The following STXBP5 variants were observed in gnomAD, a reference collection of about 807,000 sequenced individuals.
The protein encoded by STXBP5 is syntaxin-binding protein 5.
Under a neutral mutation model 152.4 loss-of-function variants are expected in STXBP5, and 50 were observed. That is an observed-to-expected ratio of 0.33 (90% CI 0.26 to 0.42). STXBP5 has a LOEUF of 0.42. Ranked by LOEUF, STXBP5 falls within the 10% of genes least tolerant of loss-of-function variation. The pLI, the probability that STXBP5 is intolerant of heterozygous loss-of-function variation, is 1.00. For synonymous variants in STXBP5, 492 were observed against 494.7 expected, an observed-to-expected ratio of 0.99 and a Z score of 0.07; for missense variants, 1,167 against 1,388.6, an observed-to-expected ratio of 0.84 and a Z score of 2.54.
intron 1 of STXBP5, 116 bp from the exon 2 acceptor site, chr6:147,205,855 G>A: frequency 1.4e-6 from 1 of 698,230 alleles, no homozygotes; most frequent in Non-Finnish European, 2.6e-6. Context: ...GTAAGTGCAT[G>A]TGTATGTGTT....
chr6:147,320,819 TA>T (rs2063737040), intron 16 of STXBP5, among the ~76,000 whole-genome samples: 1 of 152,160 alleles, frequency 6.6e-6, no homozygotes, highest in Admixed American at 6.5e-5. Context: ...TTGATACAGT[TA>T]TGGTTATTTT....
intron 26 of STXBP5, among the ~76,000 whole-genome samples, chr6:147,379,055 CAACCTTGCA>C (rs376143653): frequency 7.1e-4 from 108 of 151,712 alleles, no homozygotes; most frequent in African/African-American, 2.5e-3. Flanking sequence ...TCAAGGCCAA[CAACCTTGCA>C]TATCTCTATT....
intron 2 of STXBP5, among the ~76,000 whole-genome samples, chr6:147,209,429 A>G (rs7761345): frequency 0.021 from 3,141 of 152,218 alleles, 109 homozygotes; most frequent in African/African-American, 0.072. Context: ...GTCAGACAAC[A>G]TTAGATTATA....
intron 2 of STXBP5, among the ~76,000 whole-genome samples, chr6:147,220,811 T>C (rs78956710): frequency 0.014 from 2,062 of 152,256 alleles, 52 homozygotes; most frequent in African/African-American, 0.048. Flanking sequence ...TAGTTTTAGA[T>C]CCACTTTGAC....
rs1256060696 is a variant in STXBP5, at chr6:147,386,834, C to G, written c.*2079C>G. Reference sequence around the variant, plus strand: ...GTAGATTAATATACTGGTTGGTTCCCTATCTATGTGGAAGGTCATATTAGC... The same window carrying G: ...GTAGATTAATATACTGGTTGGTTCCGTATCTATGTGGAAGGTCATATTAGC... On this transcript the variant is annotated 3_prime_UTR_variant, in exon 28 of 28. Coordinates refer to ENST00000321680, the MANE Select transcript of STXBP5 (RefSeq NM_001127715.4). 1 of 151,578 alleles carries G rather than the reference C, an allele frequency of 6.6e-6. No homozygotes were observed. The highest frequency in any genetic ancestry group is 1.5e-5 in the Non-Finnish European group (1 of 67,718). The allele number at this position is 151,578 out of a possible 1,614,324, so 9.4% of individuals were successfully genotyped here. A position where few individuals can be genotyped will look rare whatever the true frequency, so the allele number is the denominator to read the frequency against.
intron 2 of STXBP5, among the ~76,000 whole-genome samples, chr6:147,225,502 C>A (rs1011694757): frequency 6.6e-6 from 1 of 151,986 alleles, no homozygotes; most frequent in African/African-American, 2.4e-5. Flanking sequence ...TGCCTTGTTC[C>A]TCATTGAAAA....
In STXBP5 at chr6:147,389,737, G is replaced by C. The variant is rs1171142469; in HGVS notation, c.*4982G>C. The C allele has an allele frequency of 6.6e-6, 1 of 151,620 alleles. No individual in the cohort carries two copies. Among genetic ancestry groups the C allele is most frequent in the Non-Finnish European group, 1.5e-5 (1 of 67,792 alleles). The allele number at this position is 151,620 out of a possible 1,614,324, so 9.4% of individuals were successfully genotyped here. A position where few individuals can be genotyped will look rare whatever the true frequency, so the allele number is the denominator to read the frequency against. On this transcript the variant is annotated 3_prime_UTR_variant, in exon 28 of 28. Coordinates refer to ENST00000321680, the MANE Select transcript of STXBP5 (RefSeq NM_001127715.4). ...ATTTGTTTTGTATTGTCTAAACTTTGCTTCAACTGAAGACAGTGTAAGGAG... is the reference window on the plus strand; with the variant it reads ...ATTTGTTTTGTATTGTCTAAACTTTCCTTCAACTGAAGACAGTGTAAGGAG...
rs191063714 is a variant in STXBP5, at chr6:147,309,196, A to C, written c.918-888A>C. ...AGATGGAAAAGAAGGAAGTAACATC[A>C]TGAATAATGGGTAAGGAGGAAGATA... is the stretch of plus-strand genomic sequence containing the variant. On this transcript the variant is annotated intron_variant, in intron 9 of 27. Transcript: ENST00000321680. Among the ~76,000 whole-genome samples the C allele has an allele frequency of 1.2e-4, 18 of 152,308 alleles. 1 individual carries two copies. In the East Asian group the frequency reaches 3.3e-3, roughly 28 times the overall value.
At chr6:147,230,518 A>G (rs1480590943) in intron 2 of STXBP5, among the ~76,000 whole-genome samples, 1 of 151,982 alleles carries the variant, frequency 6.6e-6, no homozygotes, top group East Asian at 1.9e-4. Context: ...CTAGTTTTAT[A>G]GAATTAGACC....
Position 147,231,481 on chromosome 6 carries a change from A to C in STXBP5, c.249-3769A>C, listed in dbSNP as rs184664752. 4.6e-4 allele frequency among the ~76,000 whole-genome samples: 70 copies of C among 152,020 alleles called. 1 individual carries two copies. Among genetic ancestry groups the C allele is most frequent in the African/African-American group, 1.5e-3 (64 of 41,554 alleles). On this transcript the variant is annotated intron_variant, in intron 2 of 27. Transcript: ENST00000321680. ...TAGGTAGATATCATAGCTGTTAGTC[A>C]AGCAATAGAAAAATCGAGAGCAGAA...
chr6:147,311,236 T>G (rs1203589592), intron 10 of STXBP5, among the ~76,000 whole-genome samples: 1 of 152,176 alleles, frequency 6.6e-6, no homozygotes, highest in East Asian at 1.9e-4. Flanking sequence ...AATTTCTGTC[T>G]TACTCATTTT....
At chr6:147,219,293 C>A (rs184357607) in intron 2 of STXBP5, among the ~76,000 whole-genome samples, 1 of 152,142 alleles carries the variant, frequency 6.6e-6, no homozygotes, top group East Asian at 1.9e-4. Flanking sequence ...CTGTGTGATT[C>A]TTTTTATACA....
At chr6:147,259,737 G>A (rs118000456) in intron 4 of STXBP5, among the ~76,000 whole-genome samples, 5,367 of 151,300 alleles carry the variant, frequency 0.035, 144 homozygotes, top group Admixed American at 0.054. Context: ...AAATGGGGGG[G>A]TCTGTAGGAA....
chr6:147,308,876 A>G (rs1415512932), intron 9 of STXBP5, among the ~76,000 whole-genome samples: 1 of 152,142 alleles, frequency 6.6e-6, no homozygotes, highest in East Asian at 1.9e-4. Context: ...TTCACAATAG[A>G]TGATAATGAC....
intron 18 of STXBP5, chr6:147,328,683 T>G (rs1241328573): frequency 2.1e-6 from 1 of 469,226 alleles, no homozygotes; most frequent in Admixed American, 2.4e-5. Flanking sequence ...CTTCCGCTTT[T>G]CATTGCTTCA....
chr6:147,232,714 G>A (rs891731299), intron 2 of STXBP5, among the ~76,000 whole-genome samples: 8 of 151,804 alleles, frequency 5.3e-5, no homozygotes, highest in African/African-American at 1.9e-4. Context: ...AAGGCACAGT[G>A]CCTAACCATT....
intron 8 of STXBP5, among the ~76,000 whole-genome samples, chr6:147,284,858 A>G (rs1409526807): frequency 2.0e-5 from 3 of 152,252 alleles, no homozygotes; most frequent in African/African-American, 7.2e-5. Flanking sequence ...ATGGAGACCT[A>G]GTAATTGAGT....
chr6:147,276,918 T>C (rs1024990548), intron 7 of STXBP5, among the ~76,000 whole-genome samples: 1 of 152,140 alleles, frequency 6.6e-6, no homozygotes, highest in African/African-American at 2.4e-5. Context: ...GAATGTATAG[T>C]GCTTTTGTAC....
chr6:147,246,381 A>G (rs1161050233), intron 4 of STXBP5, among the ~76,000 whole-genome samples: 1 of 151,770 alleles, frequency 6.6e-6, no homozygotes, highest in Non-Finnish European at 1.5e-5. Flanking sequence ...ACTGAATTAT[A>G]TGTGGACTTT....
Sources: gnomAD v4.1 joint callset for allele counts (sites outside exome capture counted in the v4.1 genomes callset) on GRCh38, gnomAD v4.1.1 for gene constraint, MANE v1.5 for transcripts, NCBI Gene and HGNC (gene_info 2026-07-23, HGNC 2026-07-21) for gene names.